Variants in RALB observed in about 807,000 individuals in gnomAD.
RALB encodes the protein ras-related protein Ral-B.
A neutral mutation model predicts 21.3 loss-of-function variants in RALB; 16 were observed. The observed-to-expected ratio is 0.75, with a 90% CI of 0.51 to 1.14. The LOEUF (loss-of-function observed/expected upper bound fraction) is 1.14, where lower values mean the gene tolerates loss of function less well. Among genes scored for constraint, RALB ranks in the 50% most tolerant of loss-of-function variants. The pLI is 0.00. For synonymous variants in RALB, 93 were observed against 96.1 expected, an observed-to-expected ratio of 0.97 and a Z score of 0.19; for missense variants, 161 against 256.2, an observed-to-expected ratio of 0.63 and a Z score of 2.54.
At chr2:120,250,429 T>C (rs1307783656), upstream of RALB, among the ~76,000 whole-genome samples, 1 of 152,216 alleles carries the variant, frequency 6.6e-6, no homozygotes, top group African/African-American at 2.4e-5. Flanking sequence ...GAAATGATTA[T>C]GTGTCATTTC....
chr2:120,254,184 G>A (rs1383427795), intron 1 of RALB, among the ~76,000 whole-genome samples: 1 of 152,214 alleles, frequency 6.6e-6, no homozygotes, highest in Non-Finnish European at 1.5e-5. Context: ...GTGTTGTGAT[G>A]TGGAGCACGA....
At chr2:120,252,324 G>A (rs1051534359), upstream of RALB, among the ~76,000 whole-genome samples, 5 of 152,190 alleles carry the variant, frequency 3.3e-5, no homozygotes, top group African/African-American at 7.2e-5. Context: ...CTCCATTACT[G>A]CTAATGGGAT....
intron 2 of RALB, among the ~76,000 whole-genome samples, chr2:120,284,638 G>A (rs544769833): frequency 8.5e-5 from 13 of 152,242 alleles, no homozygotes; most frequent in Admixed American, 8.5e-4. Context: ...GACCTCAGGT[G>A]ATCTGCCTGC....
At position 120,245,930 on chromosome 2, in the gene RALB, G is replaced by A. The variant is rs557035334; in HGVS notation, c.19+5805G>A. ...AAAACCCGATAGAAAATAGGGAATC[G>A]CCCTTTGATCCCCACCCCAGAGATG... On this transcript the variant is annotated intron_variant, in intron 1 of 3. Coordinates refer to the RALB transcript ENST00000447591. Among the ~76,000 whole-genome samples, 27 of 152,240 alleles carry A rather than the reference G, an allele frequency of 1.8e-4. 1 individual carries two copies. The highest frequency in any genetic ancestry group is 6.8e-3 in the Middle Eastern group (2 of 294).
rs970173881 is a variant in RALB, at chr2:120,253,170, CCCTGGGGGAGTCTCGGCTT to C, written c.-48+197_-48+215del. 3.4e-5 allele frequency: 12 copies of C among 356,752 alleles called. No homozygotes were observed. In the South Asian group the frequency reaches 7.8e-4, roughly 23 times the overall value. The allele number at this position is 356,752 out of a possible 1,614,324, so 22.1% of individuals were successfully genotyped here. A position where few individuals can be genotyped will look rare whatever the true frequency, so the allele number is the denominator to read the frequency against. On this transcript the variant is annotated intron_variant, in intron 1 of 4. Coordinates refer to ENST00000272519, the MANE Select transcript of RALB (RefSeq NM_002881.3). ...GGCCCCGCTCCGCTCCGGGAGGACTCCCTGGGGGAGTCTCGGCTTCCTGGGCTGCCTGGGGCTGAGGAAG... is the reference window on the plus strand; with the variant it reads ...GGCCCCGCTCCGCTCCGGGAGGACTCCCTGGGCTGCCTGGGGCTGAGGAAG...
intron 1 of RALB, among the ~76,000 whole-genome samples, chr2:120,271,780 T>C (rs997338200): frequency 6.6e-6 from 1 of 152,236 alleles, no homozygotes; most frequent in African/African-American, 2.4e-5. Flanking sequence ...GAGTTCATTA[T>C]GCTTTCCATT....
chr2:120,271,805 C>CT (rs1454268471), intron 1 of RALB, among the ~76,000 whole-genome samples: 1 of 152,168 alleles, frequency 6.6e-6, no homozygotes, highest in Non-Finnish European at 1.5e-5. Flanking sequence ...CTTGTACCAT[C>CT]TTTATCTTTG....
At chr2:120,275,343 G>T (rs888071601) in intron 1 of RALB, among the ~76,000 whole-genome samples, 2 of 152,192 alleles carry the variant, frequency 1.3e-5, no homozygotes, top group Non-Finnish European at 2.9e-5. Context: ...ATCCAGAACT[G>T]CAGGAACTGC....
chr2:120,286,919 A>G (rs1690176101), intron 3 of RALB, among the ~76,000 whole-genome samples: 1 of 152,216 alleles, frequency 6.6e-6, no homozygotes, highest in Non-Finnish European at 1.5e-5. Context: ...TGTTATAAAG[A>G]AATAGCCTTT....
At chr2:120,245,866 C>T (rs1688962185) in intron 1 of RALB, among the ~76,000 whole-genome samples, 1 of 152,172 alleles carries the variant, frequency 6.6e-6, no homozygotes. Flanking sequence ...TATTTTCGTT[C>T]CTGTCTGCCA....
chr2:120,278,348 CT>C (rs3839040), intron 1 of RALB, among the ~76,000 whole-genome samples: 105,386 of 151,742 alleles, frequency 0.69, 37,200 homozygotes, highest in Middle Eastern at 0.8. Flanking sequence ...TTTTTGGTGA[CT>C]GGGTGTCCTC....
At chr2:120,249,948 G>C (rs1301028185), upstream of RALB, among the ~76,000 whole-genome samples, 1 of 152,118 alleles carries the variant, frequency 6.6e-6, no homozygotes, top group African/African-American at 2.4e-5. Flanking sequence ...CTTTGCACAG[G>C]CTTATGCCTC....
intron 1 of RALB, among the ~76,000 whole-genome samples, chr2:120,267,833 C>T (rs1689540747): frequency 6.6e-6 from 1 of 152,040 alleles, no homozygotes; most frequent in Non-Finnish European, 1.5e-5. Flanking sequence ...GCTGAGTTTG[C>T]CAGGTTGGAG....
chr2:120,268,335 G>A (rs1383497762), intron 1 of RALB, among the ~76,000 whole-genome samples: 2 of 152,260 alleles, frequency 1.3e-5, no homozygotes, highest in African/African-American at 2.4e-5. Flanking sequence ...TTTTCGTTTC[G>A]AGTCAGTGAC....
chr2:120,279,727 TTAAAC>T (rs1269075745), intron 2 of RALB, among the ~76,000 whole-genome samples: 1 of 152,196 alleles, frequency 6.6e-6, no homozygotes. Context: ...CGAGCAGAGC[TTAAAC>T]CTCAGGGCCT....
chr2:120,268,211 G>C (rs1689553462), intron 1 of RALB, among the ~76,000 whole-genome samples: 1 of 152,222 alleles, frequency 6.6e-6, no homozygotes, highest in Non-Finnish European at 1.5e-5. Flanking sequence ...AAGGAAGAGA[G>C]ACAGAGCCAG....
At chr2:120,260,923 C>A (rs753354991) in intron 1 of RALB, among the ~76,000 whole-genome samples, 2 of 152,086 alleles carry the variant, frequency 1.3e-5, no homozygotes, top group Non-Finnish European at 2.9e-5. Flanking sequence ...GAATGGTTTC[C>A]GTAAATAGTG....
chr2:120,281,395 C>T (rs949842902), intron 2 of RALB, among the ~76,000 whole-genome samples: 9 of 152,198 alleles, frequency 5.9e-5, no homozygotes, highest in Non-Finnish European at 1.2e-4. Flanking sequence ...CTGAGAGTCA[C>T]CCGGGGGTGA....
chr2:120,271,506 TC>T (rs1383899194), intron 1 of RALB, among the ~76,000 whole-genome samples: 1 of 152,220 alleles, frequency 6.6e-6, no homozygotes, highest in Non-Finnish European at 1.5e-5. Flanking sequence ...TAGCAATGAC[TC>T]CCTGTTTTCT....
Sources: allele counts gnomAD v4.1 joint callset (sites outside exome capture counted in the v4.1 genomes callset), GRCh38; gene constraint gnomAD v4.1.1; transcripts MANE v1.5; gene names NCBI Gene and HGNC (gene_info 2026-07-23, HGNC 2026-07-21).